PAN3: variants seen among roughly 807,000 people sequenced by gnomAD.
PAN3 encodes the protein PAN2-PAN3 deadenylation complex subunit PAN3.
A neutral mutation model predicts 96.2 loss-of-function variants in PAN3; 19 were observed. The observed-to-expected ratio is 0.20, with a 90% CI of 0.14 to 0.29. PAN3 has a LOEUF of 0.29. PAN3 is among the 10% of genes least tolerant of loss of function. The pLI is 1.00. For missense variants in PAN3, 882 were observed against 1,108.1 expected (o/e 0.80, Z 2.90); for synonymous variants, 433 against 406.6 (o/e 1.06, Z -0.78).
intron 15 of PAN3, among the ~76,000 whole-genome samples, chr13:28,279,517 T>A (rs991987219): frequency 2.6e-5 from 4 of 152,100 alleles, no homozygotes; most frequent in Non-Finnish European, 5.9e-5. Flanking sequence ...CCCAGTGCTT[T>A]GGGAGGCCAA....
At chr13:28,214,217 T>C (rs1465012804) in intron 5 of PAN3, among the ~76,000 whole-genome samples, 1 of 152,230 alleles carries the variant, frequency 6.6e-6, no homozygotes, top group Non-Finnish European at 1.5e-5. Flanking sequence ...AATAATGAAA[T>C]GTGTATTTGT....
Position 28,260,318 on chromosome 13 carries a change from C to T in PAN3, c.1249-129C>T, listed in dbSNP as rs559588181. ...CTGAGGCAGGAGAATCACTTGAACC[C>T]GGGAGGCAGAGCTTGTAGTGAGCCG... On this transcript the variant is annotated intron_variant, in intron 7 of 18. Transcript: ENST00000380958. The T allele has an allele frequency of 2.9e-4, 172 of 594,942 alleles. 1 individual carries two copies. Among genetic ancestry groups the T allele is most frequent in the East Asian group, 3.1e-4 (9 of 29,072 alleles). The allele number at this position is 594,942 out of a possible 1,614,324, so 36.9% of individuals were successfully genotyped here.
chr13:28,218,114 AAAG>A, intron 5 of PAN3, among the ~76,000 whole-genome samples: 1 of 152,180 alleles, frequency 6.6e-6, no homozygotes, highest in South Asian at 2.1e-4. Context: ...AGTTTTAAAA[AAAG>A]ATTTATATTT....
chr13:28,289,892 G>A (rs911854342), intron 18 of PAN3, among the ~76,000 whole-genome samples: 6 of 151,874 alleles, frequency 4.0e-5, no homozygotes, highest in Admixed American at 6.6e-5. Flanking sequence ...AAAAAAAAAA[G>A]AAAGAAAAGA....
intron 1 of PAN3, among the ~76,000 whole-genome samples, chr13:28,162,436 G>A (rs1461073740): frequency 6.6e-6 from 1 of 152,112 alleles, no homozygotes; most frequent in South Asian, 2.1e-4. Context: ...TGTAATCCCA[G>A]CACTTTGGGA....
At chr13:28,221,130 A>C (rs1460427709) in intron 6 of PAN3, among the ~76,000 whole-genome samples, 4 of 152,118 alleles carry the variant, frequency 2.6e-5, no homozygotes, top group East Asian at 3.9e-4. Context: ...CATAATGTTT[A>C]TTTTAGTATA....
Position 28,256,359 on chromosome 13 carries a change from T to C in PAN3, c.1068T>C (p.Ala356=). 6.2e-7 allele frequency: 1 copy of C among 1,613,534 alleles called. No individual in the cohort carries two copies. The highest frequency in any genetic ancestry group is 8.5e-7 in the Non-Finnish European group (1 of 1,179,440). Residue 356 remains alanine (A), a synonymous_variant, in exon 7 of 19, where the codon GCT becomes GCC. Coordinates refer to ENST00000380958, the MANE Select transcript of PAN3 (RefSeq NM_175854.8). The part of the protein sequence containing the change: ...SPKITPHTSP[A]PRRRSHTPNP... The stretch of plus-strand genomic sequence containing the variant: ...AGATTACTCCACATACTTCTCCTGC[T>C]CCCAGAAGAAGAAGTCACACTCCAA...
intron 3 of PAN3, among the ~76,000 whole-genome samples, 174 bp from the exon 4 acceptor site, chr13:28,177,691 T>C (rs569515281): frequency 6.6e-6 from 1 of 152,346 alleles, no homozygotes; most frequent in East Asian, 1.9e-4. Context: ...AGCAAATTGG[T>C]TCACCAGTTT....
Position 28,181,120 on chromosome 13 carries a change from C to CT in PAN3, c.690+3186dup, listed in dbSNP as rs574624779. On this transcript the variant is annotated intron_variant, in intron 4 of 18. Transcript: ENST00000380958. ...ATAGAGGTAGGAGCTTTAGTAAACT[C>CT]TAATTCTTCTTCATTCTGAGAATCA... Among the ~76,000 whole-genome samples, 31 of 152,280 alleles carry CT rather than the reference C, an allele frequency of 2.0e-4. No homozygotes were observed. In the East Asian group the frequency reaches 5.2e-3, roughly 26 times the overall value.
At chr13:28,201,981 T>C (rs1463786503) in intron 5 of PAN3, among the ~76,000 whole-genome samples, 3 of 152,214 alleles carry the variant, frequency 2.0e-5, no homozygotes, top group Admixed American at 1.3e-4. Flanking sequence ...CCTTCTTCAG[T>C]TTATGGCATT....
rs748908427 is a variant in PAN3 at position 28,197,388 on chromosome 13, C to T, written c.852+42C>T. The T allele has an allele frequency of 2.0e-6, 3 of 1,510,240 alleles. No individual in the cohort carries two copies. In the African/African-American group the frequency reaches 4.2e-5, roughly 21 times the overall value. 93.6% of individuals were successfully genotyped at this position (1,510,240 alleles called of 1,614,324 possible). ...TTAGACATTTCTTGAAAGTGAATGTCTTGGCTGCTTTCTGTGTCTGTTTGG... is the reference window on the plus strand; with the variant it reads ...TTAGACATTTCTTGAAAGTGAATGTTTTGGCTGCTTTCTGTGTCTGTTTGG... On this transcript the variant is annotated intron_variant, in intron 5 of 18. Coordinates refer to ENST00000380958, the MANE Select transcript of PAN3 (RefSeq NM_175854.8).
chr13:28,262,174 G>C (rs890698794), intron 9 of PAN3, among the ~76,000 whole-genome samples: 2 of 152,128 alleles, frequency 1.3e-5, no homozygotes, highest in Admixed American at 6.5e-5. Context: ...GAATACTGAA[G>C]TTGACAGGTT....
At chr13:28,270,060 T>C (rs1262651915) in intron 12 of PAN3, among the ~76,000 whole-genome samples, 1 of 152,196 alleles carries the variant, frequency 6.6e-6, no homozygotes, top group African/African-American at 2.4e-5. Context: ...AAAGTGTCTC[T>C]ACAAAGAAAA....
At chr13:28,216,201 A>T (rs1228763536) in intron 5 of PAN3, among the ~76,000 whole-genome samples, 1 of 149,818 alleles carries the variant, frequency 6.7e-6, no homozygotes, top group Non-Finnish European at 1.5e-5. Flanking sequence ...TTTAGTGAGA[A>T]AAAAAAAAAA....
chr13:28,240,492 T>C (rs1329660521), intron 6 of PAN3, among the ~76,000 whole-genome samples: 2 of 152,182 alleles, frequency 1.3e-5, no homozygotes, highest in African/African-American at 2.4e-5. Context: ...ATTTGAAAGT[T>C]GGGATGGTTG....
intron 5 of PAN3, among the ~76,000 whole-genome samples, chr13:28,211,610 C>T (rs1446191490): frequency 6.6e-6 from 1 of 151,990 alleles, no homozygotes; most frequent in African/African-American, 2.4e-5. Flanking sequence ...TTTAATCTAA[C>T]CAAAAAGAGT....
At chr13:28,238,761 T>TG (rs1883331588) in intron 6 of PAN3, among the ~76,000 whole-genome samples, 1 of 152,222 alleles carries the variant, frequency 6.6e-6, no homozygotes, top group Non-Finnish European at 1.5e-5. Context: ...TGTTATGAAA[T>TG]TAGCTTGAGC....
chr13:28,168,867 A>T (rs1873919549), intron 1 of PAN3, among the ~76,000 whole-genome samples: 1 of 151,080 alleles, frequency 6.6e-6, no homozygotes, highest in African/African-American at 2.4e-5. Context: ...AAATACAAAA[A>T]ATTACTTGGG....
intron 5 of PAN3, among the ~76,000 whole-genome samples, chr13:28,203,737 G>A (rs1012422554): frequency 3.3e-5 from 5 of 151,458 alleles, no homozygotes; most frequent in Non-Finnish European, 7.4e-5. Context: ...TTTAAGCCTT[G>A]TAATAGACTT....
Sources: gnomAD v4.1 joint callset for allele counts (sites outside exome capture counted in the v4.1 genomes callset) on GRCh38, gnomAD v4.1.1 for gene constraint, MANE v1.5 for transcripts, NCBI Gene and HGNC (gene_info 2026-07-23, HGNC 2026-07-21) for gene names.